Variants in APBA2 observed in about 807,000 individuals in gnomAD.
APBA2 encodes amyloid-beta A4 precursor protein-binding family A member 2.
Under a neutral mutation model 75.0 loss-of-function variants are expected in APBA2, and 30 were observed. The observed-to-expected ratio is 0.40, with a 90% CI of 0.30 to 0.54. The LOEUF is 0.54. Among genes scored for constraint, APBA2 ranks in the 20% least tolerant of loss-of-function variants. The probability of loss-of-function intolerance (pLI) is 0.49; values close to 1 mark genes in which losing one functional copy is unlikely to be tolerated. For missense variants in APBA2, 801 were observed against 1,016.1 expected (o/e 0.79, Z 2.88); for synonymous variants, 444 against 409.6 (o/e 1.08, Z -1.01).
At chr15:28,959,486 G>C (rs1254262862) in intron 2 of APBA2, among the ~76,000 whole-genome samples, 8 of 152,202 alleles carry the variant, frequency 5.3e-5, no homozygotes, top group African/African-American at 1.9e-4. Flanking sequence ...AGGCACAGAC[G>C]GATGGCCGTG....
Position 29,114,033 on chromosome 15 carries a change from A to G in APBA2, c.2178+17A>G. 1 of 1,613,590 alleles carries G rather than the reference A, an allele frequency of 6.2e-7. No homozygotes were observed. Among genetic ancestry groups the G allele is most frequent in the African/African-American group, 1.3e-5 (1 of 75,030 alleles). On this transcript the variant is annotated intron_variant, in intron 14 of 14. Transcript: ENST00000683413. ...GTCGGAGAGGTAAGGAGGGACTTTG[A>G]GTGTGCCTCTGCATGCCGGTTCCCA...
intron 4 of APBA2, among the ~76,000 whole-genome samples, chr15:29,072,432 C>T (rs1566973151): frequency 6.6e-6 from 1 of 152,208 alleles, no homozygotes; most frequent in Non-Finnish European, 1.5e-5. Context: ...TGAGCGGCAT[C>T]TGAGGCGAGA....
chr15:28,975,971 T>C (rs1406667078), intron 2 of APBA2, among the ~76,000 whole-genome samples: 1 of 152,220 alleles, frequency 6.6e-6, no homozygotes, highest in Non-Finnish European at 1.5e-5. Flanking sequence ...CAGCCATGCC[T>C]CCTTCCTGAA....
chr15:29,016,829 C>T (rs1457394162), intron 3 of APBA2, among the ~76,000 whole-genome samples: 2 of 152,158 alleles, frequency 1.3e-5, no homozygotes, highest in African/African-American at 4.8e-5. Flanking sequence ...CTTTGCTCCT[C>T]TGTCTCCGTT....
intron 5 of APBA2, among the ~76,000 whole-genome samples, chr15:29,075,604 A>G (rs79069180): frequency 6.6e-6 from 1 of 152,364 alleles, no homozygotes; most frequent in East Asian, 1.9e-4. Context: ...ACAATTTCCT[A>G]TAAGCTAACA....
At chr15:29,066,894 T>C (rs2042401573) in intron 4 of APBA2, among the ~76,000 whole-genome samples, 2 of 152,228 alleles carry the variant, frequency 1.3e-5, no homozygotes, top group South Asian at 4.1e-4. Flanking sequence ...GGCTGGGTAA[T>C]TTATAAGAAA....
intron 2 of APBA2, among the ~76,000 whole-genome samples, chr15:28,973,131 A>C (rs2152755302): frequency 6.6e-6 from 1 of 152,212 alleles, no homozygotes; most frequent in East Asian, 1.9e-4. Context: ...TGAGGTCCGG[A>C]CTCCTGTGAC....
chr15:29,007,004 A>G (rs991358085), intron 3 of APBA2, among the ~76,000 whole-genome samples: 5 of 152,212 alleles, frequency 3.3e-5, no homozygotes, highest in Non-Finnish European at 7.3e-5. Context: ...TCCTAATTTC[A>G]AAACTAGCTA....
intron 2 of APBA2, among the ~76,000 whole-genome samples, chr15:28,922,564 T>A (rs893444107): frequency 3.3e-5 from 5 of 152,186 alleles, no homozygotes; most frequent in Admixed American, 2.6e-4. Context: ...GGGCCACAGC[T>A]GTGTCACAGC....
At chr15:29,016,557 G>A (rs572460760) in intron 3 of APBA2, among the ~76,000 whole-genome samples, 1 of 152,274 alleles carries the variant, frequency 6.6e-6, no homozygotes, top group Non-Finnish European at 1.5e-5. Context: ...TGCTGCACAC[G>A]TGCAGGCCTG....
chr15:29,108,309 A>C lies in APBA2; in HGVS notation c.1957A>C (p.Ser653Arg). ...NQTQVKLNIV[S>R]CPPVTTVLIK... Reference sequence around the variant, plus strand: ...GACACAGGTGAAGCTCAACATTGTCAGCTGTCCCCCGGTCACCACGGTCCT... The same window carrying C: ...GACACAGGTGAAGCTCAACATTGTCCGCTGTCCCCCGGTCACCACGGTCCT... Residue 653 changes from serine (S) to arginine (R), a missense_variant, in exon 13 of 15, where the codon AGC (serine) becomes CGC (arginine). Physicochemically the swap from Ser to Arg is moderately radical, Grantham distance 110. Coordinates refer to ENST00000683413, the MANE Select transcript of APBA2 (RefSeq NM_001353788.2). 7 of 1,614,016 alleles carry C rather than the reference A, an allele frequency of 4.3e-6. No homozygotes were observed. Among genetic ancestry groups the C allele is most frequent in the Non-Finnish European group, 5.9e-6 (7 of 1,180,026 alleles).
chr15:28,913,701 C>T (rs1010744245), intron 1 of APBA2, among the ~76,000 whole-genome samples: 10 of 152,170 alleles, frequency 6.6e-5, no homozygotes, highest in Admixed American at 6.5e-4. Context: ...AAGGGGAGCC[C>T]CCACTTGTGG....
intron 6 of APBA2, among the ~76,000 whole-genome samples, chr15:29,079,646 G>A (rs2043001326): frequency 6.6e-6 from 1 of 152,122 alleles, no homozygotes; most frequent in African/African-American, 2.4e-5. Flanking sequence ...CTCCTGGCGT[G>A]TCCAGTGCTG....
At position 28,955,610 on chromosome 15, in the gene APBA2, GTAATTAAGAGGGTC is replaced by G. The variant is rs368785174; in HGVS notation, c.-95+33865_-95+33878del. On this transcript the variant is annotated intron_variant, in intron 2 of 14. Coordinates refer to ENST00000683413, the MANE Select transcript of APBA2 (RefSeq NM_001353788.2). Reference sequence around the variant, plus strand: ...GCATCTTTTGTGGGATTTCTTCTGAGTAATTAAGAGGGTCTAAGAAGCCAGTTTTATAGTCATTT... The same window carrying G: ...GCATCTTTTGTGGGATTTCTTCTGAGTAAGAAGCCAGTTTTATAGTCATTT... Among the ~76,000 whole-genome samples, 707 of 152,370 alleles carry G rather than the reference GTAATTAAGAGGGTC, an allele frequency of 4.6e-3. 6 individuals carry two copies. The highest frequency in any genetic ancestry group is 0.016 in the African/African-American group (670 of 41,572).
chr15:28,968,258 A>T (rs2036848860), intron 2 of APBA2, among the ~76,000 whole-genome samples: 1 of 152,222 alleles, frequency 6.6e-6, no homozygotes, highest in Non-Finnish European at 1.5e-5. Flanking sequence ...GTGTGCAAAT[A>T]ATCTCTTGGA....
At chr15:29,062,026 A>C (rs1595868656) in intron 4 of APBA2, among the ~76,000 whole-genome samples, 2 of 152,016 alleles carry the variant, frequency 1.3e-5, no homozygotes, top group Admixed American at 1.3e-4. Flanking sequence ...GGTTTGTCTA[A>C]ACCTGGCCCA....
chr15:28,941,279 C>T (rs1315893978), intron 2 of APBA2, among the ~76,000 whole-genome samples: 1 of 152,030 alleles, frequency 6.6e-6, no homozygotes, highest in Non-Finnish European at 1.5e-5. Flanking sequence ...GGCCCTGGGG[C>T]CTGCTGACAT....
At chr15:28,949,364 C>T (rs562316920) in intron 2 of APBA2, among the ~76,000 whole-genome samples, 4 of 152,258 alleles carry the variant, frequency 2.6e-5, no homozygotes, top group East Asian at 1.9e-4. Flanking sequence ...GGGGTATCTG[C>T]GGAAGAGCAC....
At chr15:28,898,394 C>T (rs1020726217) in intron 1 of APBA2, among the ~76,000 whole-genome samples, 10 of 152,172 alleles carry the variant, frequency 6.6e-5, no homozygotes, top group African/African-American at 2.2e-4. Flanking sequence ...GCACACTGTA[C>T]GGCAGGCCGA....
Sources: allele counts gnomAD v4.1 joint callset (sites outside exome capture counted in the v4.1 genomes callset), GRCh38; gene constraint gnomAD v4.1.1; transcripts MANE v1.5; gene names NCBI Gene and HGNC (gene_info 2026-07-23, HGNC 2026-07-21).